Variants in EYS observed in about 807,000 individuals in gnomAD.
EYS encodes protein eyes shut homolog.
Under a neutral mutation model 282.1 loss-of-function variants are expected in EYS, and 250 were observed. That is an observed-to-expected ratio of 0.89 (90% CI 0.80 to 0.98). EYS has a LOEUF of 0.98. Ranked by LOEUF, EYS falls within the 50% of genes least tolerant of loss-of-function variation. The pLI, the probability that EYS is intolerant of heterozygous loss-of-function variation, is 0.00. For synonymous variants in EYS, 1,355 were observed against 1,282.9 expected, an observed-to-expected ratio of 1.06 and a Z score of -1.20; for missense variants, 4,016 against 3,709.0, an observed-to-expected ratio of 1.08 and a Z score of -2.15.
At chr6:64,158,656 G>A (rs147685750) in intron 31 of EYS, among the ~76,000 whole-genome samples, 179 of 152,164 alleles carry the variant, frequency 1.2e-3, no homozygotes, top group Admixed American at 0.01. Context: ...CTGAACAATC[G>A]TTGGGTCACC....
rs1008100286 is a variant in EYS, at chr6:65,541,739, C to T, written c.-332-45746G>A. 3.0e-4 allele frequency among the ~76,000 whole-genome samples: 45 copies of T among 151,974 alleles called. 1 individual carries two copies. Among genetic ancestry groups the T allele is most frequent in the Non-Finnish European group, 3.7e-4 (25 of 67,974 alleles). On this transcript the variant is annotated intron_variant, in intron 2 of 42. Transcript: ENST00000503581. ...TAGTGTATTTATTAGAAACTATGGT[C>T]AGATCTTGTATGCTGCCCAACAATA... is the stretch of plus-strand genomic sequence containing the variant.
At position 63,900,091 on chromosome 6, in the gene EYS, T is replaced by C. The variant is rs1214122573; in HGVS notation, c.7056-35733A>G. ...AGCTACGGTTTGCTTTGTACCTTCC[T>C]ATGAAGTCAAACCTGTTTAGATTTT... On this transcript the variant is annotated intron_variant, in intron 35 of 42. Transcript: ENST00000503581. 3.9e-5 allele frequency among the ~76,000 whole-genome samples: 6 copies of C among 152,200 alleles called. No homozygotes were observed. The South Asian group carries it at 6.2e-4, about 16-fold the overall frequency.
chr6:65,284,523 A>T (rs1442210751), intron 12 of EYS, among the ~76,000 whole-genome samples: 2 of 152,138 alleles, frequency 1.3e-5, no homozygotes, highest in African/African-American at 4.8e-5. Flanking sequence ...CTAATGCTAT[A>T]TAATGAGAAC....
At chr6:64,751,433 G>A (rs1181642648) in intron 22 of EYS, among the ~76,000 whole-genome samples, 1 of 152,180 alleles carries the variant, frequency 6.6e-6, no homozygotes, top group East Asian at 1.9e-4. Context: ...AAGTCTGGGT[G>A]TTGAATGGCT....
At chr6:64,459,013 G>A (rs1240778458) in intron 26 of EYS, among the ~76,000 whole-genome samples, 1 of 152,168 alleles carries the variant, frequency 6.6e-6, no homozygotes, top group Non-Finnish European at 1.5e-5. Flanking sequence ...CACATTGAGA[G>A]AGTGGTGTAA....
chr6:64,952,905 G>T (rs1270172386), intron 14 of EYS, among the ~76,000 whole-genome samples: 2 of 151,770 alleles, frequency 1.3e-5, no homozygotes, highest in African/African-American at 4.8e-5. Context: ...ATAACATCTG[G>T]AATAGTGTCT....
At chr6:64,697,484 T>G (rs1412289134) in intron 22 of EYS, among the ~76,000 whole-genome samples, 1 of 152,144 alleles carries the variant, frequency 6.6e-6, no homozygotes, top group Admixed American at 6.6e-5. Context: ...GTCATTGAGA[T>G]AGAAAATCAG....
intron 31 of EYS, among the ~76,000 whole-genome samples, chr6:64,128,364 G>T (rs558075811): frequency 3.9e-4 from 59 of 152,178 alleles, no homozygotes; most frequent in African/African-American, 1.3e-3. Context: ...TGCTTTGATT[G>T]CTGTGACTTC....
intron 29 of EYS, among the ~76,000 whole-genome samples, chr6:64,386,792 C>T (rs985221919): frequency 2.0e-5 from 3 of 151,896 alleles, no homozygotes; most frequent in East Asian, 3.9e-4. Context: ...ATTCTCCCAC[C>T]CTTATTGCCA....
chr6:65,353,672 T>C (rs1168704154), intron 8 of EYS, 55 bp from the exon 9 acceptor site: 11 of 1,448,038 alleles, frequency 7.6e-6, no homozygotes, highest in Non-Finnish European at 1.1e-5. Context: ...TATTTTTCAA[T>C]ATATACATAT....
intron 26 of EYS, among the ~76,000 whole-genome samples, chr6:64,529,687 C>T (rs1165197288): frequency 6.6e-6 from 1 of 151,890 alleles, no homozygotes; most frequent in Non-Finnish European, 1.5e-5. Flanking sequence ...ACATTTAGAA[C>T]ACTGCTTGAT....
rs577763148 is a variant in EYS, at chr6:64,582,076, G to A, written c.5644+8147C>T. 3.3e-5 allele frequency among the ~76,000 whole-genome samples: 5 copies of A among 152,298 alleles called. No homozygotes were observed. The South Asian group carries it at 1.0e-3, about 32-fold the overall frequency. On this transcript the variant is annotated intron_variant, in intron 26 of 42. Coordinates refer to ENST00000503581, the MANE Select transcript of EYS (RefSeq NM_001142800.2). Reference sequence around the variant, plus strand: ...AAGTTTTCCTGTAAAGAAGAACATAGTAAGTATTCTGGGCTTGCTATGTGT... The same window carrying A: ...AAGTTTTCCTGTAAAGAAGAACATAATAAGTATTCTGGGCTTGCTATGTGT...
intron 12 of EYS, among the ~76,000 whole-genome samples, chr6:65,150,381 T>C (rs1764583753): frequency 6.6e-6 from 1 of 152,064 alleles, no homozygotes; most frequent in African/African-American, 2.4e-5. Flanking sequence ...TGATCCTTTA[T>C]ATGAAGATGA....
At chr6:63,722,754 C>G (rs896957045) in intron 42 of EYS, among the ~76,000 whole-genome samples, 2 of 152,142 alleles carry the variant, frequency 1.3e-5, no homozygotes, top group African/African-American at 4.8e-5. Context: ...TGCCTATTTC[C>G]ACACCTCCCT....
chr6:64,593,388 T>C, intron 24 of EYS, 79 bp from the exon 25 acceptor site: 1 of 1,110,798 alleles, frequency 9.0e-7, no homozygotes, highest in Non-Finnish European at 1.3e-6. Context: ...TGTTTTGAGA[T>C]CCATTTGCAT....
intron 22 of EYS, among the ~76,000 whole-genome samples, chr6:64,676,997 C>T (rs552441589): frequency 2.6e-3 from 399 of 152,160 alleles, no homozygotes; most frequent in Non-Finnish European, 3.4e-3. Context: ...CAAATGCATG[C>T]TTTTTGAACT....
chr6:63,854,741 C>G (rs55751720), intron 36 of EYS, among the ~76,000 whole-genome samples: 18,595 of 151,916 alleles, frequency 0.12, 1,385 homozygotes, highest in African/African-American at 0.2. Flanking sequence ...CATAATTTAA[C>G]CATAATTTGA....
intron 29 of EYS, among the ~76,000 whole-genome samples, chr6:64,386,232 CA>C (rs1256883619): frequency 2.0e-5 from 3 of 152,098 alleles, no homozygotes; most frequent in Non-Finnish European, 4.4e-5. Flanking sequence ...CATTTCTGCC[CA>C]AAAGCAACTG....
At chr6:63,878,923 C>G (rs540759618) in intron 35 of EYS, among the ~76,000 whole-genome samples, 1 of 152,346 alleles carries the variant, frequency 6.6e-6, no homozygotes, top group African/African-American at 2.4e-5. Context: ...CCTTATGCTT[C>G]CTGGGTGAGA....
Sources: gnomAD v4.1 joint callset for allele counts (sites outside exome capture counted in the v4.1 genomes callset) on GRCh38, gnomAD v4.1.1 for gene constraint, MANE v1.5 for transcripts, NCBI Gene and HGNC (gene_info 2026-07-23, HGNC 2026-07-21) for gene names.